Variants in PDHX observed in about 807,000 individuals in gnomAD.
PDHX encodes the protein pyruvate dehydrogenase complex component X, also known as pyruvate dehydrogenase protein X component, mitochondrial.
In PDHX, 33 loss-of-function variants were observed where a neutral mutation model predicts 55.3. The observed-to-expected ratio is 0.60, with a 90% CI of 0.45 to 0.80. The LOEUF (loss-of-function observed/expected upper bound fraction) is 0.80, where lower values mean the gene tolerates loss of function less well. PDHX is among the 30% of genes least tolerant of loss of function. The pLI is 0.00. For missense variants in PDHX, 622 were observed against 619.9 expected (o/e 1.00, Z -0.04); for synonymous variants, 226 against 219.4 (o/e 1.03, Z -0.27).
At chr11:34,959,577 G>A (rs1367740337) in intron 4 of PDHX, among the ~76,000 whole-genome samples, 1 of 151,524 alleles carries the variant, frequency 6.6e-6, no homozygotes, top group Non-Finnish European at 1.5e-5. Flanking sequence ...CATCTAGTAG[G>A]TCCACTTCCA....
chr11:34,922,588 C>T (rs948974233), intron 1 of PDHX, among the ~76,000 whole-genome samples: 2 of 152,078 alleles, frequency 1.3e-5, no homozygotes, highest in African/African-American at 2.4e-5. Flanking sequence ...CCTAAATGAA[C>T]ATTTTTGCTT....
chr11:34,916,082 G>T, upstream of PDHX: 1 of 1,081,512 alleles, frequency 9.2e-7, no homozygotes, highest in Non-Finnish European at 1.3e-6. Context: ...CAAGGTCGCG[G>T]TGCGCCGGGG....
chr11:34,919,290 C>T (rs1001910336), intron 1 of PDHX, among the ~76,000 whole-genome samples: 6 of 152,196 alleles, frequency 3.9e-5, no homozygotes, highest in African/African-American at 1.2e-4. Flanking sequence ...TGTGAATTTA[C>T]GGTGGTGTTT....
chr11:34,984,110 T>C (rs1855587489), intron 8 of PDHX, among the ~76,000 whole-genome samples: 1 of 152,074 alleles, frequency 6.6e-6, no homozygotes, highest in Admixed American at 6.6e-5. Flanking sequence ...CTCTTTTAAA[T>C]AGGGATGTCA....
At chr11:34,922,061 C>T (rs1368521597) in intron 1 of PDHX, among the ~76,000 whole-genome samples, 1 of 152,190 alleles carries the variant, frequency 6.6e-6, no homozygotes, top group Admixed American at 6.5e-5. Context: ...GAGGACCTTT[C>T]TTCTTGGATG....
rs1356599709 is a variant in PDHX, at chr11:34,953,945, TC to T, written c.343-3435del. Among the ~76,000 whole-genome samples the T allele has an allele frequency of 8.5e-5, 13 of 152,362 alleles. No homozygotes were observed. In the East Asian group the frequency reaches 2.5e-3, roughly 29 times the overall value. On this transcript the variant is annotated intron_variant, in intron 3 of 10. Transcript: ENST00000227868. ...CAAGGGCTTAATGAATGTTTCTTCT[TC>T]CCCTCTGTATTTTAGCTTATCATTG... is the stretch of plus-strand genomic sequence containing the variant.
intron 1 of PDHX, among the ~76,000 whole-genome samples, chr11:34,930,281 A>C (rs1369860496): frequency 6.6e-6 from 1 of 152,220 alleles, no homozygotes; most frequent in Non-Finnish European, 1.5e-5. Flanking sequence ...GAGGTACAGA[A>C]ACTTTCTCTT....
chr11:34,927,872 A>G (rs184649330), intron 1 of PDHX, among the ~76,000 whole-genome samples: 495 of 152,246 alleles, frequency 3.3e-3, no homozygotes, highest in African/African-American at 0.011. Flanking sequence ...ATTTCAGAGT[A>G]AAGATAATGA....
chr11:34,985,827 AAAAG>A (rs1249061645), intron 9 of PDHX, among the ~76,000 whole-genome samples: 1 of 152,208 alleles, frequency 6.6e-6, no homozygotes, highest in Non-Finnish European at 1.5e-5. Context: ...CTTCTTGCTC[AAAAG>A]AAATAAGTGC....
intron 8 of PDHX, among the ~76,000 whole-genome samples, chr11:34,982,075 A>T (rs1156269899): frequency 6.6e-6 from 1 of 152,138 alleles, no homozygotes; most frequent in Non-Finnish European, 1.5e-5. Context: ...AAGTCCTTGC[A>T]CATGCCTGTG....
chr11:34,959,046 C>A (rs1854964748), intron 4 of PDHX, among the ~76,000 whole-genome samples: 1 of 152,064 alleles, frequency 6.6e-6, no homozygotes, highest in Admixed American at 6.6e-5. Flanking sequence ...TGTCTCTTAG[C>A]TTTAATTTCT....
chr11:34,978,557 A>AT (rs1344636892), intron 8 of PDHX, among the ~76,000 whole-genome samples: 1 of 152,096 alleles, frequency 6.6e-6, no homozygotes, highest in Non-Finnish European at 1.5e-5. Flanking sequence ...ACTAGGGGTG[A>AT]TTTTTCAAAA....
intron 7 of PDHX, among the ~76,000 whole-genome samples, chr11:34,977,387 G>T (rs1223812346): frequency 2.0e-5 from 3 of 152,122 alleles, no homozygotes; most frequent in African/African-American, 7.2e-5. Flanking sequence ...CGTAGGAAGT[G>T]GGAGGACCCC....
chr11:34,982,841 G>C (rs1308833058), intron 8 of PDHX, among the ~76,000 whole-genome samples: 2 of 152,122 alleles, frequency 1.3e-5, no homozygotes, highest in Admixed American at 6.5e-5. Flanking sequence ...TTCTACCAGA[G>C]GTACAAGGAG....
chr11:34,971,163 A>C (rs1256646928), intron 7 of PDHX, among the ~76,000 whole-genome samples: 1 of 152,152 alleles, frequency 6.6e-6, no homozygotes, highest in African/African-American at 2.4e-5. Context: ...CTTGTTCAGA[A>C]TGCATTTACA....
intron 3 of PDHX, among the ~76,000 whole-genome samples, chr11:34,951,830 G>A (rs1180075116): frequency 2.6e-5 from 4 of 152,054 alleles, no homozygotes; most frequent in African/African-American, 9.7e-5. Context: ...TATGGTTTTA[G>A]GTCTAACGTT....
chr11:34,930,902 A>G (rs762630586), intron 1 of PDHX, among the ~76,000 whole-genome samples: 1 of 152,246 alleles, frequency 6.6e-6, no homozygotes, highest in South Asian at 2.1e-4. Context: ...ATACTATAAT[A>G]TTAGATGAAA....
chr11:34,987,471 G>A (rs770679190), intron 9 of PDHX, among the ~76,000 whole-genome samples: 33 of 152,220 alleles, frequency 2.2e-4, no homozygotes, highest in Middle Eastern at 3.4e-3. Context: ...TTACAGGAGA[G>A]AGAGAGAGCA....
chr11:34,957,729 GTT>G (rs3831063), intron 4 of PDHX, 146 bp downstream of exon 4: 509 of 529,158 alleles, frequency 9.6e-4, no homozygotes, highest in Middle Eastern at 1.5e-3. Flanking sequence ...TAGAGTGTGT[GTT>G]TTTTTTTTTA....
Sources: allele counts gnomAD v4.1 joint callset (sites outside exome capture counted in the v4.1 genomes callset), GRCh38; gene constraint gnomAD v4.1.1; transcripts MANE v1.5; gene names NCBI Gene and HGNC (gene_info 2026-07-23, HGNC 2026-07-21).